Variants in LRMDA observed in about 807,000 individuals in gnomAD.
LRMDA encodes the protein leucine rich melanocyte differentiation associated, also known as leucine-rich melanocyte differentiation-associated protein.
In LRMDA, 18 loss-of-function variants were observed where a neutral mutation model predicts 29.8. The observed-to-expected ratio is 0.60, with a 90% CI of 0.42 to 0.90. LRMDA has a LOEUF of 0.90. LRMDA is among the 40% of genes least tolerant of loss of function. The pLI, the probability that LRMDA is intolerant of heterozygous loss-of-function variation, is 0.00. For synonymous variants in LRMDA, 125 were observed against 109.4 expected, an observed-to-expected ratio of 1.14 and a Z score of -0.89; for missense variants, 273 against 273.9, an observed-to-expected ratio of 1.00 and a Z score of 0.02.
chr10:75,773,727 C>T (rs946422233), intron 2 of LRMDA, among the ~76,000 whole-genome samples: 3 of 152,138 alleles, frequency 2.0e-5, no homozygotes, highest in African/African-American at 7.2e-5. Context: ...TCCCTCTGGC[C>T]TTCTTTATAT....
intron 2 of LRMDA, among the ~76,000 whole-genome samples, chr10:75,850,369 T>C (rs1472928995): frequency 6.6e-6 from 1 of 152,242 alleles, no homozygotes; most frequent in East Asian, 1.9e-4. Flanking sequence ...TCATTCCTTT[T>C]TGGTGTATGC....
At chr10:76,343,454 A>C (rs1027223570) in intron 6 of LRMDA, among the ~76,000 whole-genome samples, 4 of 152,236 alleles carry the variant, frequency 2.6e-5, no homozygotes, top group African/African-American at 9.6e-5. Context: ...CCAAGTATTC[A>C]ATGAAATTTC....
intron 5 of LRMDA, among the ~76,000 whole-genome samples, chr10:76,160,489 T>C (rs1850625749): frequency 6.6e-6 from 1 of 152,092 alleles, no homozygotes; most frequent in African/African-American, 2.4e-5. Context: ...AGAAATTATT[T>C]GATGTCTGGG....
chr10:76,181,654 C>T (rs758933660), intron 5 of LRMDA, among the ~76,000 whole-genome samples: 2 of 152,152 alleles, frequency 1.3e-5, no homozygotes, highest in African/African-American at 4.8e-5. Context: ...GAGATAAGGA[C>T]CTCTTTCTAA....
At chr10:75,756,298 C>CG (rs1238950637) in intron 2 of LRMDA, among the ~76,000 whole-genome samples, 1 of 152,146 alleles carries the variant, frequency 6.6e-6, no homozygotes, top group Non-Finnish European at 1.5e-5. Flanking sequence ...TAAAAGAGAG[C>CG]GGGTGTTCCT....
chr10:76,234,074 A>T (rs928417274), intron 5 of LRMDA, among the ~76,000 whole-genome samples: 2 of 152,200 alleles, frequency 1.3e-5, no homozygotes, highest in African/African-American at 4.8e-5. Context: ...TATGGCAGCG[A>T]TAGCCTTACT....
At chr10:76,216,687 T>C (rs1406516768) in intron 5 of LRMDA, among the ~76,000 whole-genome samples, 1 of 152,236 alleles carries the variant, frequency 6.6e-6, no homozygotes. Context: ...ACAGGAACCC[T>C]GCTATGTTGC....
chr10:76,290,042 T>A (rs1166832168), intron 5 of LRMDA, among the ~76,000 whole-genome samples: 2 of 152,206 alleles, frequency 1.3e-5, no homozygotes, highest in African/African-American at 2.4e-5. Flanking sequence ...GATTAAATTG[T>A]AACCACTATT....
intron 2 of LRMDA, among the ~76,000 whole-genome samples, chr10:75,688,248 G>A (rs937083081): frequency 2.6e-5 from 4 of 152,132 alleles, no homozygotes; most frequent in African/African-American, 9.7e-5. Context: ...AAAACCTTCT[G>A]GAAAGGATTC....
intron 2 of LRMDA, among the ~76,000 whole-genome samples, chr10:76,025,579 T>C (rs536402641): frequency 6.6e-6 from 1 of 152,200 alleles, no homozygotes; most frequent in East Asian, 1.9e-4. Flanking sequence ...ATGCATGTGC[T>C]CACTGAATTC....
At chr10:76,184,627 G>A (rs1756681325) in intron 5 of LRMDA, among the ~76,000 whole-genome samples, 1 of 152,168 alleles carries the variant, frequency 6.6e-6, no homozygotes, top group African/African-American at 2.4e-5. Context: ...TGGTGGGTCT[G>A]GGTATAGAGC....
chr10:75,953,944 C>T (rs928280782), intron 2 of LRMDA, among the ~76,000 whole-genome samples: 6 of 152,126 alleles, frequency 3.9e-5, no homozygotes, highest in South Asian at 4.2e-4. Flanking sequence ...GATCTGAAAG[C>T]GCAGAACTTT....
intron 2 of LRMDA, among the ~76,000 whole-genome samples, chr10:75,789,313 A>G (rs1843526870): frequency 6.6e-6 from 1 of 151,728 alleles, no homozygotes; most frequent in African/African-American, 2.4e-5. Flanking sequence ...CACAGTAAAT[A>G]GTTAGCAGGG....
At chr10:76,266,426 G>A (rs1339920556) in intron 5 of LRMDA, among the ~76,000 whole-genome samples, 2 of 152,034 alleles carry the variant, frequency 1.3e-5, no homozygotes, top group African/African-American at 2.4e-5. Context: ...ATCCTGTGTT[G>A]CTTTTTTGTG....
intron 6 of LRMDA, among the ~76,000 whole-genome samples, chr10:76,523,604 A>AG (rs1249618558): frequency 7.0e-6 from 1 of 142,092 alleles, no homozygotes; most frequent in Non-Finnish European, 1.5e-5. Context: ...GATATTAGAA[A>AG]GGGGGGTGGG....
chr10:75,863,226 G>A (rs1468193933), intron 2 of LRMDA, among the ~76,000 whole-genome samples: 1 of 152,160 alleles, frequency 6.6e-6, no homozygotes, highest in African/African-American at 2.4e-5. Context: ...TATTGCAGCT[G>A]TTAGCGTTGG....
At chr10:75,797,356 T>A (rs1843670548) in intron 2 of LRMDA, among the ~76,000 whole-genome samples, 1 of 152,222 alleles carries the variant, frequency 6.6e-6, no homozygotes, top group Non-Finnish European at 1.5e-5. Context: ...TCTTAACTAA[T>A]CTTGCTAGGG....
At chr10:76,526,341 C>A (rs1358023400) in intron 6 of LRMDA, among the ~76,000 whole-genome samples, 1 of 152,158 alleles carries the variant, frequency 6.6e-6, no homozygotes, top group South Asian at 2.1e-4. Context: ...GTCCTACTAC[C>A]TTTTCAGCAT....
chr10:76,033,265 T>G (rs1273957694), intron 2 of LRMDA, among the ~76,000 whole-genome samples: 2 of 152,122 alleles, frequency 1.3e-5, no homozygotes, highest in Non-Finnish European at 2.9e-5. Context: ...ACTGATAACA[T>G]GAAAACAAGG....
Sources: allele counts gnomAD v4.1 joint callset (sites outside exome capture counted in the v4.1 genomes callset), GRCh38; gene constraint gnomAD v4.1.1; transcripts MANE v1.5; gene names NCBI Gene and HGNC (gene_info 2026-07-23, HGNC 2026-07-21).